Variants in EPM2A observed in about 807,000 individuals in gnomAD.
EPM2A encodes the protein EPM2A glucan phosphatase, laforin, also known as laforin.
Under a neutral mutation model 26.5 loss-of-function variants are expected in EPM2A, and 21 were observed. The ratio of observed to expected loss-of-function variants is 0.79; its 90% CI spans 0.56 to 1.14. EPM2A has a LOEUF of 1.14. Among genes scored for constraint, EPM2A ranks in the 50% most tolerant of loss-of-function variants. EPM2A has a pLI of 0.00. For missense variants in EPM2A, 458 were observed against 440.8 expected (o/e 1.04, Z -0.35); for synonymous variants, 217 against 177.6 (o/e 1.22, Z -1.76).
At chr6:145,394,414 A>G (rs1331709371) in intron 4 of EPM2A, among the ~76,000 whole-genome samples, 1 of 152,046 alleles carries the variant, frequency 6.6e-6, no homozygotes, top group Non-Finnish European at 1.5e-5. Context: ...TGTCTGATTC[A>G]CTCAGCACTG....
chr6:145,659,717 A>G (rs147504965), intron 2 of EPM2A, among the ~76,000 whole-genome samples: 1 of 152,306 alleles, frequency 6.6e-6, no homozygotes, highest in Non-Finnish European at 1.5e-5. Context: ...AGTTTGTCCT[A>G]AAGGTTTATC....
intron 2 of EPM2A, among the ~76,000 whole-genome samples, chr6:145,579,416 T>C (rs1781082379): frequency 6.6e-6 from 1 of 152,176 alleles, no homozygotes; most frequent in Admixed American, 6.5e-5. Context: ...TCCTGGAGAA[T>C]TGCCCCTGAT....
chr6:145,495,180 C>CAT (rs1334437634), intron 4 of EPM2A, among the ~76,000 whole-genome samples: 1 of 152,092 alleles, frequency 6.6e-6, no homozygotes, highest in Non-Finnish European at 1.5e-5. Flanking sequence ...GTGTTGGGTA[C>CAT]ATATATGTTT....
At chr6:145,627,874 CA>C (rs1775945326) in intron 3 of EPM2A, 181 bp from the exon 4 acceptor site, 2 of 832,578 alleles carry the variant, frequency 2.4e-6, no homozygotes, top group Admixed American at 5.0e-5. Context: ...CTGCTAATAG[CA>C]AAGTGGAAAG....
chr6:145,553,919 A>G (rs919913237), intron 2 of EPM2A, among the ~76,000 whole-genome samples: 1 of 150,012 alleles, frequency 6.7e-6, no homozygotes, highest in African/African-American at 2.4e-5. Flanking sequence ...AGAAATTCAC[A>G]TTGGCATGGG....
Position 145,398,730 on chromosome 6 carries a change from T to G in EPM2A, c.556-14633A>C, listed in dbSNP as rs1357029018. Reference sequence around the variant, plus strand: ...CAAACATTAGCTGGCTGAGGTGGTATGTGCTTGTAGTCCCAGCTACTTGGG... The same window carrying G: ...CAAACATTAGCTGGCTGAGGTGGTAGGTGCTTGTAGTCCCAGCTACTTGGG... On this transcript the variant is annotated intron_variant, in intron 4 of 4. Transcript: ENST00000638717. Among the ~76,000 whole-genome samples, 4 of 152,064 alleles carry G rather than the reference T, an allele frequency of 2.6e-5. 1 individual carries two copies. The South Asian group carries it at 6.2e-4, about 24-fold the overall frequency.
At chr6:145,414,132 C>T (rs1778678047) in intron 4 of EPM2A, among the ~76,000 whole-genome samples, 1 of 152,114 alleles carries the variant, frequency 6.6e-6, no homozygotes, top group African/African-American at 2.4e-5. Flanking sequence ...GGAAGTACTC[C>T]AGATCAACTC....
chr6:145,490,816 G>C (rs1037043550), intron 4 of EPM2A: 3 of 600,736 alleles, frequency 5.0e-6, no homozygotes, highest in Non-Finnish European at 6.4e-6. Context: ...TGCTTGTAGG[G>C]TCAGATGCAT....
intron 2 of EPM2A, among the ~76,000 whole-genome samples, chr6:145,555,453 T>C (rs544475026): frequency 6.6e-5 from 10 of 152,204 alleles, no homozygotes; most frequent in East Asian, 3.9e-4. Flanking sequence ...TCTTTGACCA[T>C]CTTTGACAAG....
chr6:145,706,011 T>C, intron 1 of EPM2A: 3 of 452,134 alleles, frequency 6.6e-6, no homozygotes, highest in Non-Finnish European at 1.3e-5. Flanking sequence ...GGGGTTTGCA[T>C]AGAAGGCTGG....
intron 1 of EPM2A, among the ~76,000 whole-genome samples, chr6:145,687,322 T>C (rs1780992426): frequency 6.6e-6 from 1 of 151,506 alleles, no homozygotes; most frequent in African/African-American, 2.4e-5. Context: ...CACCAATCAC[T>C]GAATCTGGTA....
In EPM2A at chr6:145,701,644, T is replaced by G. The variant is rs375873990; in HGVS notation, c.302-15348A>C. 4.6e-5 allele frequency among the ~76,000 whole-genome samples: 7 copies of G among 152,314 alleles called. No homozygotes were observed. In the South Asian group the frequency reaches 1.5e-3, roughly 32 times the overall value. On this transcript the variant is annotated intron_variant, in intron 1 of 3. Coordinates refer to ENST00000367519, the MANE Select transcript of EPM2A (RefSeq NM_005670.4). Reference sequence around the variant, plus strand: ...AGCAATGATTCATTCCATTGCTACCTAAAGAAATCAGGATTCTGTTGGCTG... The same window carrying G: ...AGCAATGATTCATTCCATTGCTACCGAAAGAAATCAGGATTCTGTTGGCTG...
intron 2 of EPM2A, among the ~76,000 whole-genome samples, chr6:145,654,383 G>A (rs369361859): frequency 6.6e-6 from 1 of 152,184 alleles, no homozygotes; most frequent in East Asian, 1.9e-4. Flanking sequence ...GTTTCTCCAT[G>A]TTGGTCAGGC....
chr6:145,717,584 T>C (rs967655566), intron 1 of EPM2A, among the ~76,000 whole-genome samples: 3 of 152,126 alleles, frequency 2.0e-5, no homozygotes, highest in Non-Finnish European at 4.4e-5. Context: ...CTCTCACCGC[T>C]CCTATTCAAC....
intron 1 of EPM2A, among the ~76,000 whole-genome samples, chr6:145,727,983 T>C (rs1035324683): frequency 6.6e-6 from 1 of 152,168 alleles, no homozygotes; most frequent in Non-Finnish European, 1.5e-5. Flanking sequence ...TCATGAGATC[T>C]GGTTGTTTAA....
At chr6:145,704,313 T>A (rs1562505428) in intron 1 of EPM2A, among the ~76,000 whole-genome samples, 1 of 152,128 alleles carries the variant, frequency 6.6e-6, no homozygotes, top group Non-Finnish European at 1.5e-5. Flanking sequence ...GTTATCAAAT[T>A]TTTTTCTATA....
intron 2 of EPM2A, among the ~76,000 whole-genome samples, chr6:145,585,223 T>C (rs1292291789): frequency 1.3e-5 from 2 of 152,164 alleles, no homozygotes; most frequent in African/African-American, 4.8e-5. Context: ...TATTGTTTTG[T>C]TTATGTTCAT....
intron 2 of EPM2A, chr6:145,670,993 T>C (rs1300026983): frequency 1.0e-6 from 1 of 984,958 alleles, no homozygotes; most frequent in East Asian, 1.1e-4. Flanking sequence ...GGTCTTAAGA[T>C]TTAAAAGAAT....
At chr6:145,654,167 T>G (rs947715214) in intron 2 of EPM2A, among the ~76,000 whole-genome samples, 4 of 151,060 alleles carry the variant, frequency 2.6e-5, no homozygotes, top group Non-Finnish European at 5.9e-5. Flanking sequence ...AAGTGTAAAT[T>G]TTAACATTTT....
Sources: gnomAD v4.1 joint callset for allele counts (sites outside exome capture counted in the v4.1 genomes callset) on GRCh38, gnomAD v4.1.1 for gene constraint, MANE v1.5 for transcripts, NCBI Gene and HGNC (gene_info 2026-07-23, HGNC 2026-07-21) for gene names.